The following SCD5 variants were observed in gnomAD, a reference collection of about 807,000 sequenced individuals.
SCD5 encodes stearoyl-CoA desaturase 5, also known as acyl-CoA-desaturase 4.
In SCD5, 20 loss-of-function variants were observed where a neutral mutation model predicts 30.4. The ratio of observed to expected loss-of-function variants is 0.66; its 90% CI spans 0.46 to 0.96. The LOEUF is 0.96. Among genes scored for constraint, SCD5 ranks in the 40% least tolerant of loss-of-function variants. The pLI is 0.00. For synonymous variants in SCD5, 173 were observed against 176.4 expected (o/e 0.98, Z 0.16); for missense variants, 381 against 443.3 (o/e 0.86, Z 1.26).
At position 82,730,753 on chromosome 4, in the gene SCD5, T is replaced by G. The variant is rs182391935; in HGVS notation, c.233-25340A>C. Among the ~76,000 whole-genome samples, 1,318 of 151,968 alleles carry G rather than the reference T, an allele frequency of 8.7e-3. 12 individuals carry two copies. Among genetic ancestry groups the G allele is most frequent in the Middle Eastern group, 0.034 (10 of 294 alleles). ...GGCACCCACCACCACGCCCGGCTAA[T>G]TTTTTGTATTTTAGTAGAGACGGGG... is the stretch of plus-strand genomic sequence containing the variant. On this transcript the variant is annotated intron_variant, in intron 1 of 4. Transcript: ENST00000319540.
At chr4:82,682,965 G>A (rs746577042) in intron 2 of SCD5, among the ~76,000 whole-genome samples, 4 of 152,092 alleles carry the variant, frequency 2.6e-5, no homozygotes, top group African/African-American at 4.8e-5. Flanking sequence ...ATAAATGTGC[G>A]CCAACAAATC....
At position 82,753,093 on chromosome 4, in the gene SCD5, C is replaced by A. The variant is rs559004533; in HGVS notation, c.232+45213G>T. Among the ~76,000 whole-genome samples the A allele has an allele frequency of 4.6e-5, 7 of 152,194 alleles. No individual in the cohort carries two copies. The South Asian group carries it at 1.5e-3, about 32-fold the overall frequency. On this transcript the variant is annotated intron_variant, in intron 1 of 4. Coordinates refer to ENST00000319540, the MANE Select transcript of SCD5 (RefSeq NM_001037582.3). ...CACATGGGAAGAGAAGAATCCCCAG[C>A]CCCACTGAAAACCACAGGACTGGAG...
chr4:82,745,916 T>C (rs1415803429), intron 1 of SCD5, among the ~76,000 whole-genome samples: 3 of 152,184 alleles, frequency 2.0e-5, no homozygotes, highest in African/African-American at 7.2e-5. Context: ...CCATATCACC[T>C]TGGGCAAGTT....
chr4:82,664,273 C>T (rs570506457), intron 3 of SCD5, among the ~76,000 whole-genome samples: 1 of 152,304 alleles, frequency 6.6e-6, no homozygotes, highest in Admixed American at 6.5e-5. Context: ...CTCAGCTCAA[C>T]TTCTGATTAA....
At chr4:82,639,458 A>G (rs1727496689) in intron 3 of SCD5, among the ~76,000 whole-genome samples, 1 of 152,224 alleles carries the variant, frequency 6.6e-6, no homozygotes, top group Admixed American at 6.5e-5. Flanking sequence ...TAAGACCTAT[A>G]TGAAATTGAA....
chr4:82,726,192 G>A (rs1260180592), intron 1 of SCD5, among the ~76,000 whole-genome samples: 1 of 152,190 alleles, frequency 6.6e-6, no homozygotes, highest in Non-Finnish European at 1.5e-5. Context: ...GCCAAAGCAG[G>A]CAGATCACCT....
chr4:82,645,354 G>C (rs968560109), intron 3 of SCD5, among the ~76,000 whole-genome samples: 7 of 151,588 alleles, frequency 4.6e-5, no homozygotes, highest in Non-Finnish European at 1.0e-4. Flanking sequence ...GAACTAGAGG[G>C]AAGGGGTGGG....
Position 82,694,469 on chromosome 4 carries a change from G to C in SCD5, c.363+10814C>G, listed in dbSNP as rs146070773. Among the ~76,000 whole-genome samples the C allele has an allele frequency of 3.2e-3, 494 of 152,342 alleles. 7 individuals carry two copies. Among genetic ancestry groups the C allele is most frequent in the African/African-American group, 0.011 (470 of 41,580 alleles). ...GAGTTTTCCTCAGGAAAACTCTTGA[G>C]TATTTCAGTGAGGATCTTGTTCTTA... On this transcript the variant is annotated intron_variant, in intron 2 of 4. Transcript: ENST00000319540.
At chr4:82,695,718 T>C (rs1399111753) in intron 2 of SCD5, among the ~76,000 whole-genome samples, 5 of 152,224 alleles carry the variant, frequency 3.3e-5, no homozygotes, top group Admixed American at 6.5e-5. Flanking sequence ...ATTTTCTAAC[T>C]ATGCTGTGAC....
At chr4:82,699,632 T>C (rs183261059) in intron 2 of SCD5, among the ~76,000 whole-genome samples, 99 of 150,048 alleles carry the variant, frequency 6.6e-4, no homozygotes, top group Non-Finnish European at 1.2e-3. Context: ...AATGGCCCAA[T>C]GTCTCATGCC....
chr4:82,648,414 G>GC (rs1560523504), intron 3 of SCD5, among the ~76,000 whole-genome samples: 9 of 152,146 alleles, frequency 5.9e-5, no homozygotes, highest in African/African-American at 2.2e-4. Flanking sequence ...GCACAGAGAG[G>GC]TGCTCAGAGC....
intron 1 of SCD5, among the ~76,000 whole-genome samples, chr4:82,710,911 AG>A (rs1720070513): frequency 2.0e-5 from 3 of 151,912 alleles, no homozygotes; most frequent in Admixed American, 1.3e-4. Flanking sequence ...AGAGAGAGAG[AG>A]AAGTGCATAT....
chr4:82,658,271 C>T (rs1727907324), intron 3 of SCD5, among the ~76,000 whole-genome samples: 1 of 152,068 alleles, frequency 6.6e-6, no homozygotes, highest in African/African-American at 2.4e-5. Context: ...TACATTCCAT[C>T]AATACCTAGT....
intron 3 of SCD5, among the ~76,000 whole-genome samples, chr4:82,664,774 G>A (rs112332570): frequency 2.0e-5 from 3 of 151,938 alleles, no homozygotes; most frequent in African/African-American, 7.3e-5. Flanking sequence ...AAAAAGGAGT[G>A]AAGCACATCC....
At chr4:82,673,975 A>G (rs1249261527) in intron 3 of SCD5, among the ~76,000 whole-genome samples, 1 of 152,182 alleles carries the variant, frequency 6.6e-6, no homozygotes, top group Non-Finnish European at 1.5e-5. Context: ...ATTCAGACAC[A>G]GACTTCACAC....
chr4:82,705,509 T>C (rs1401645847), intron 1 of SCD5, 96 bp from the exon 2 acceptor site: 3 of 1,500,920 alleles, frequency 2.0e-6, no homozygotes, highest in African/African-American at 2.8e-5. Flanking sequence ...ACACGTGAAA[T>C]GGTGTCAGGG....
At chr4:82,695,949 T>A (rs1250564344) in intron 2 of SCD5, among the ~76,000 whole-genome samples, 1 of 152,196 alleles carries the variant, frequency 6.6e-6, no homozygotes. Context: ...ATTGTCTTTT[T>A]ATAAGAGTCT....
chr4:82,674,654 C>T (rs147677275), intron 3 of SCD5, among the ~76,000 whole-genome samples: 21 of 152,220 alleles, frequency 1.4e-4, no homozygotes, highest in Admixed American at 4.6e-4. Flanking sequence ...AACCTATGTC[C>T]GCACAAAAAC....
intron 3 of SCD5, among the ~76,000 whole-genome samples, chr4:82,669,129 TC>T (rs1728252121): frequency 1.3e-5 from 2 of 151,792 alleles, no homozygotes; most frequent in South Asian, 4.2e-4. Context: ...TGGTTGCAAA[TC>T]CCCAGATGAT....
Sources: gnomAD v4.1 joint callset for allele counts (sites outside exome capture counted in the v4.1 genomes callset) on GRCh38, gnomAD v4.1.1 for gene constraint, MANE v1.5 for transcripts, NCBI Gene and HGNC (gene_info 2026-07-23, HGNC 2026-07-21) for gene names.